Variants in FARS2 observed in about 807,000 individuals in gnomAD.
The protein encoded by FARS2 is phenylalanine--tRNA ligase, mitochondrial.
In FARS2, 40 loss-of-function variants were observed where a neutral mutation model predicts 46.4. That is an observed-to-expected ratio of 0.86 (90% confidence interval 0.67 to 1.12). FARS2 has a LOEUF of 1.12. Ranked by LOEUF, FARS2 falls within the 50% of genes most tolerant of loss-of-function variation. FARS2 has a pLI of 0.00. For missense variants in FARS2, 513 were observed against 567.9 expected, an observed-to-expected ratio of 0.90 and a Z score of 0.98; for synonymous variants, 234 against 214.9, an observed-to-expected ratio of 1.09 and a Z score of -0.78.
chr6:5,478,334 A>T (rs1374196888), intron 4 of FARS2, among the ~76,000 whole-genome samples: 3 of 152,208 alleles, frequency 2.0e-5, no homozygotes, highest in Non-Finnish European at 4.4e-5. Flanking sequence ...TGGTGATCAT[A>T]TATCTTTCAC....
chr6:5,254,409 T>C, the FARS2 span, among the ~76,000 whole-genome samples: 1 of 152,230 alleles, frequency 6.6e-6, no homozygotes, highest in African/African-American at 2.4e-5. Context: ...AATAAACTTA[T>C]TTCTTGTTGG....
At chr6:5,341,202 TATATATATATATATATATATATATATATA>T (rs1771549614) in intron 1 of FARS2, among the ~76,000 whole-genome samples, 5 of 5,506 alleles carry the variant, frequency 9.1e-4, no homozygotes, top group South Asian at 0.016. Flanking sequence ...TATATATATA[TATATATATATATATATATATATATATATA>T]TATATTTTTT....
intron 6 of FARS2, among the ~76,000 whole-genome samples, chr6:5,735,591 T>C (rs149915551): frequency 6.6e-5 from 10 of 152,330 alleles, no homozygotes; most frequent in Middle Eastern, 3.4e-3. Flanking sequence ...GTCACTGTGA[T>C]TATAATTAAT....
chr6:5,518,562 T>C (rs766094187), intron 4 of FARS2, among the ~76,000 whole-genome samples: 2 of 152,156 alleles, frequency 1.3e-5, no homozygotes, highest in Admixed American at 6.6e-5. Context: ...TGGAAGAACA[T>C]TGACTTTTAA....
intron 4 of FARS2, among the ~76,000 whole-genome samples, chr6:5,505,831 CCTGAGA>C (rs1415530741): frequency 6.6e-6 from 1 of 152,106 alleles, no homozygotes; most frequent in Non-Finnish European, 1.5e-5. Context: ...TGTGGTTTTT[CCTGAGA>C]CTCCCCTTCA....
At chr6:5,438,248 C>G (rs1409087168) in intron 4 of FARS2, among the ~76,000 whole-genome samples, 1 of 10,642 alleles carries the variant, frequency 9.4e-5, no homozygotes, top group Non-Finnish European at 1.9e-4. Context: ...CACCCCCCGC[C>G]CCCCCCCCCA....
intron 6 of FARS2, among the ~76,000 whole-genome samples, chr6:5,732,038 G>C (rs775163463): frequency 2.0e-5 from 3 of 152,206 alleles, no homozygotes; most frequent in Non-Finnish European, 4.4e-5. Context: ...CCGTCACTGA[G>C]ACAGCTGTCC....
chr6:5,766,915 A>G (rs925263802), intron 6 of FARS2, among the ~76,000 whole-genome samples: 1 of 151,038 alleles, frequency 6.6e-6, no homozygotes, highest in Non-Finnish European at 1.5e-5. Context: ...TATGTGTTCT[A>G]TTGCATCTGG....
intron 6 of FARS2, among the ~76,000 whole-genome samples, chr6:5,707,745 C>A (rs947682748): frequency 6.6e-6 from 1 of 152,218 alleles, no homozygotes; most frequent in African/African-American, 2.4e-5. Flanking sequence ...GCAGCCACGT[C>A]CTTCCGTCCA....
intron 1 of FARS2, among the ~76,000 whole-genome samples, chr6:5,294,003 C>A (rs893399446): frequency 6.6e-6 from 1 of 152,232 alleles, no homozygotes; most frequent in African/African-American, 2.4e-5. Flanking sequence ...CACACACATA[C>A]ACACACAGCA....
Position 5,600,803 on chromosome 6 carries a change from T to A in FARS2, c.1066-12366T>A, listed in dbSNP as rs186595748. Among the ~76,000 whole-genome samples, 65 of 152,320 alleles carry A rather than the reference T, an allele frequency of 4.3e-4. 1 individual carries two copies. Among genetic ancestry groups the A allele is most frequent in the African/African-American group, 1.5e-3 (63 of 41,574 alleles). On this transcript the variant is annotated intron_variant, in intron 5 of 6. Transcript: ENST00000274680. ...CCATAGGGATAAATGTTGGATTTGG[T>A]GTTATTTACATAATTGTTAATTAGG... is the stretch of plus-strand genomic sequence containing the variant.
chr6:5,294,543 A>G (rs1042031870), intron 1 of FARS2, among the ~76,000 whole-genome samples: 3 of 152,212 alleles, frequency 2.0e-5, no homozygotes, highest in African/African-American at 7.2e-5. Flanking sequence ...TTGAGGGCCC[A>G]GTCCCCATGA....
At chr6:5,596,905 C>G (rs1375790229) in intron 5 of FARS2, among the ~76,000 whole-genome samples, 1 of 152,210 alleles carries the variant, frequency 6.6e-6, no homozygotes, top group Non-Finnish European at 1.5e-5. Context: ...TTGGTTAAAT[C>G]CAGCATGTCT....
At chr6:5,447,545 A>G (rs1240505202) in intron 4 of FARS2, among the ~76,000 whole-genome samples, 3 of 152,164 alleles carry the variant, frequency 2.0e-5, no homozygotes, top group Non-Finnish European at 4.4e-5. Context: ...AAAGAACATT[A>G]TCCAGGGAAG....
chr6:5,591,088 G>A (rs1435782920), intron 5 of FARS2, among the ~76,000 whole-genome samples: 1 of 152,182 alleles, frequency 6.6e-6, no homozygotes, highest in East Asian at 1.9e-4. Flanking sequence ...CCAGACTTCT[G>A]TTTATTGGAC....
chr6:5,498,075 C>A (rs930693082), intron 4 of FARS2, among the ~76,000 whole-genome samples: 3 of 152,122 alleles, frequency 2.0e-5, no homozygotes, highest in Non-Finnish European at 4.4e-5. Flanking sequence ...AAGGGACTCT[C>A]TAGGGGTGTT....
chr6:5,477,931 G>A (rs1766219255), intron 4 of FARS2, among the ~76,000 whole-genome samples: 2 of 152,018 alleles, frequency 1.3e-5, no homozygotes, highest in Admixed American at 6.6e-5. Context: ...GAGGTGGGAG[G>A]ATCACTTGAG....
intron 5 of FARS2, among the ~76,000 whole-genome samples, chr6:5,586,058 T>C (rs571975532): frequency 1.3e-5 from 2 of 152,296 alleles, no homozygotes; most frequent in African/African-American, 4.8e-5. Context: ...CAACTGATAT[T>C]TGTTGATTTT....
intron 6 of FARS2, among the ~76,000 whole-genome samples, chr6:5,625,684 G>T (rs1029507421): frequency 6.6e-6 from 1 of 152,216 alleles, no homozygotes; most frequent in Non-Finnish European, 1.5e-5. Context: ...GGGGGACAGC[G>T]ATCCAGTCAT....
Sources: gnomAD v4.1 joint callset for allele counts (sites outside exome capture counted in the v4.1 genomes callset) on GRCh38, gnomAD v4.1.1 for gene constraint, MANE v1.5 for transcripts, NCBI Gene and HGNC (gene_info 2026-07-23, HGNC 2026-07-21) for gene names.